The following FBXO11 variants were observed in gnomAD, a reference collection of about 807,000 sequenced individuals.
FBXO11 encodes the protein F-box protein 11.
FBXO11 carries 13 observed loss-of-function variants against 117.0 expected under a neutral mutation model. The ratio of observed to expected loss-of-function variants is 0.11; its 90% CI spans 0.07 to 0.18. The LOEUF is 0.18. Among genes scored for constraint, FBXO11 ranks in the 10% least tolerant of loss-of-function variants. The pLI is 1.00. For synonymous variants in FBXO11, 490 were observed against 380.5 expected (o/e 1.29, Z -3.35); for missense variants, 767 against 1,164.4 (o/e 0.66, Z 4.97).
chr2:47,891,025 T>C (rs920071195), intron 1 of FBXO11, among the ~76,000 whole-genome samples: 3 of 151,674 alleles, frequency 2.0e-5, no homozygotes, highest in Admixed American at 1.3e-4. Context: ...AGTCTCCCTA[T>C]GTTGCTCAGA....
intron 1 of FBXO11, among the ~76,000 whole-genome samples, chr2:47,868,519 T>C (rs1162746166): frequency 6.6e-6 from 1 of 152,216 alleles, no homozygotes; most frequent in Non-Finnish European, 1.5e-5. Context: ...TTTTTATTTC[T>C]GGAACTCCTA....
intron 12 of FBXO11, 26 bp from the exon 13 acceptor site, chr2:47,822,329 AG>A: frequency 6.9e-7 from 1 of 1,445,642 alleles, no homozygotes; most frequent in Non-Finnish European, 9.5e-7. Flanking sequence ...ATAAAAAAAA[AG>A]AAGACATCTA....
At chr2:47,821,965 G>C (rs1671422498) in intron 13 of FBXO11, among the ~76,000 whole-genome samples, 1 of 152,112 alleles carries the variant, frequency 6.6e-6, no homozygotes, top group Non-Finnish European at 1.5e-5. Flanking sequence ...CATGCCTGTA[G>C]TTCTAGCTAC....
chr2:47,886,701 T>C (rs1387542737), intron 1 of FBXO11, among the ~76,000 whole-genome samples: 1 of 152,172 alleles, frequency 6.6e-6, no homozygotes, highest in Non-Finnish European at 1.5e-5. Context: ...TAATCCTCTA[T>C]TTATACTGAT....
intron 11 of FBXO11, among the ~76,000 whole-genome samples, chr2:47,831,489 C>T (rs945797727): frequency 3.4e-5 from 5 of 147,290 alleles, no homozygotes; most frequent in African/African-American, 1.3e-4. Flanking sequence ...TAGATGAATC[C>T]AACATTCCCA....
In FBXO11 at chr2:47,863,116, A is replaced by G. The variant is rs535312162; in HGVS notation, c.233-23347T>C. 9.2e-5 allele frequency among the ~76,000 whole-genome samples: 14 copies of G among 152,150 alleles called. No homozygotes were observed. The South Asian group carries it at 2.9e-3, about 32-fold the overall frequency. On this transcript the variant is annotated intron_variant, in intron 1 of 22. Coordinates refer to ENST00000403359, the MANE Select transcript of FBXO11 (RefSeq NM_001190274.2). ...CAAAAAAAACCACCATACACACACA[A>G]AACAAAACGAAACAAAAGTTTTCCC...
intron 1 of FBXO11, among the ~76,000 whole-genome samples, chr2:47,893,907 G>T (rs1274637807): frequency 3.9e-5 from 6 of 152,156 alleles, no homozygotes; most frequent in African/African-American, 1.4e-4. Flanking sequence ...AAAGAAAATG[G>T]AAAGCAAGGG....
intron 1 of FBXO11, among the ~76,000 whole-genome samples, chr2:47,890,529 G>A (rs979474049): frequency 2.0e-5 from 3 of 152,076 alleles, no homozygotes; most frequent in Non-Finnish European, 2.9e-5. Context: ...TATTGGCAGG[G>A]CACGGTGGCT....
At chr2:47,813,733 T>G in intron 17 of FBXO11, 58 bp downstream of exon 17, 1 of 1,444,582 alleles carries the variant, frequency 6.9e-7, no homozygotes, top group Non-Finnish European at 9.7e-7. Flanking sequence ...GTGCCCGGCC[T>G]AGAAGGTGTA....
intron 1 of FBXO11, among the ~76,000 whole-genome samples, chr2:47,880,272 T>G (rs1188888343): frequency 6.6e-6 from 1 of 152,030 alleles, no homozygotes; most frequent in African/African-American, 2.4e-5. Context: ...GCCCTGAGAG[T>G]GTTTTAATGT....
At chr2:47,809,046 T>A in intron 21 of FBXO11, 112 bp downstream of exon 21, 3 of 618,956 alleles carry the variant, frequency 4.8e-6, no homozygotes, top group Non-Finnish European at 8.5e-6. Flanking sequence ...GATAAAATTT[T>A]CAGTTAGTTA....
chr2:47,814,371 GTCT>G (rs1670858524), intron 16 of FBXO11: 1 of 108,338 alleles, frequency 9.2e-6, no homozygotes, highest in Non-Finnish European at 1.8e-5. Flanking sequence ...CCTTCAGGGA[GTCT>G]TTTTTTTTTT....
At chr2:47,813,749 A>G (rs1201623424) in intron 17 of FBXO11, 42 bp downstream of exon 17, 28 of 1,455,468 alleles carry the variant, frequency 1.9e-5, no homozygotes, top group Non-Finnish European at 2.4e-5. Flanking sequence ...GTGTATTTCT[A>G]AAGTTTATTA....
intron 1 of FBXO11, among the ~76,000 whole-genome samples, chr2:47,866,955 T>A (rs376804102): frequency 3.9e-5 from 6 of 152,302 alleles, no homozygotes; most frequent in African/African-American, 1.2e-4. Flanking sequence ...CTGGCATCTT[T>A]TATATGTACT....
chr2:47,849,684 T>C (rs1673703441), intron 1 of FBXO11, among the ~76,000 whole-genome samples: 3 of 152,188 alleles, frequency 2.0e-5, no homozygotes, highest in Admixed American at 2.0e-4. Context: ...CAATCTTAGA[T>C]GATGTGGGTA....
intron 11 of FBXO11, among the ~76,000 whole-genome samples, chr2:47,829,590 CTGAG>C (rs1376324271): frequency 2.0e-5 from 3 of 151,978 alleles, no homozygotes; most frequent in African/African-American, 7.3e-5. Context: ...CTGCACTGAA[CTGAG>C]TATTAAACAA....
In FBXO11 at chr2:47,906,313, C is replaced by T. The variant is rs1189033024; in HGVS notation, c.-593G>A. Reference sequence around the variant, plus strand: ...TCTTCGGTCTCTTCTCTCTCCTCCCCCCCTTCTCTCCTCGGCGAAGGGGAA... The same window carrying T: ...TCTTCGGTCTCTTCTCTCTCCTCCCTCCCTTCTCTCCTCGGCGAAGGGGAA... On this transcript the variant is annotated 5_prime_UTR_variant, in exon 1 of 23. Transcript: ENST00000403359. 1.3e-5 allele frequency among the ~76,000 whole-genome samples: 2 copies of T among 152,154 alleles called. No homozygotes were observed. Among genetic ancestry groups the T allele is most frequent in the African/African-American group, 4.8e-5 (2 of 41,432 alleles).
chr2:47,880,234 C>T (rs1558468220), intron 1 of FBXO11, among the ~76,000 whole-genome samples: 1 of 152,086 alleles, frequency 6.6e-6, no homozygotes, highest in Non-Finnish European at 1.5e-5. Flanking sequence ...TTGGCTCAGG[C>T]AATCCACCCA....
At chr2:47,853,228 A>G (rs1293581931) in intron 1 of FBXO11, among the ~76,000 whole-genome samples, 2 of 151,768 alleles carry the variant, frequency 1.3e-5, no homozygotes, top group Non-Finnish European at 2.9e-5. Context: ...CTCACCACCA[A>G]GCCCAGCTAA....
Sources: gnomAD v4.1 joint callset for allele counts (sites outside exome capture counted in the v4.1 genomes callset) on GRCh38, gnomAD v4.1.1 for gene constraint, MANE v1.5 for transcripts, NCBI Gene and HGNC (gene_info 2026-07-23, HGNC 2026-07-21) for gene names.